The following PRKCA variants were observed in gnomAD, a reference collection of about 807,000 sequenced individuals.
The protein encoded by PRKCA is protein kinase C alpha.
PRKCA carries 27 observed loss-of-function variants against 87.0 expected under a neutral mutation model. The observed-to-expected ratio is 0.31, with a 90% CI of 0.23 to 0.43. The LOEUF is 0.43. Ranked by LOEUF, PRKCA falls within the 20% of genes least tolerant of loss-of-function variation. The pLI is 1.00. For missense variants in PRKCA, 518 were observed against 852.3 expected, an observed-to-expected ratio of 0.61 and a Z score of 4.88; for synonymous variants, 329 against 311.1, an observed-to-expected ratio of 1.06 and a Z score of -0.61.
At chr17:66,364,916 A>G (rs1342282605) in intron 2 of PRKCA, among the ~76,000 whole-genome samples, 1 of 152,034 alleles carries the variant, frequency 6.6e-6, no homozygotes, top group African/African-American at 2.4e-5. Context: ...CTATTTTCCC[A>G]CTTGCATACT....
At chr17:66,679,931 A>T (rs1344001554) in intron 5 of PRKCA, among the ~76,000 whole-genome samples, 1 of 152,208 alleles carries the variant, frequency 6.6e-6, no homozygotes, top group East Asian at 1.9e-4. Flanking sequence ...TGATAATAGC[A>T]TCTTTTTACA....
chr17:66,593,978 G>A (rs1054553164), intron 3 of PRKCA, among the ~76,000 whole-genome samples: 7 of 152,186 alleles, frequency 4.6e-5, no homozygotes, highest in Non-Finnish European at 1.0e-4. Flanking sequence ...CCAGCTGCTC[G>A]GGAGGCTGAG....
At chr17:66,710,842 C>G (rs1973307037) in intron 8 of PRKCA, among the ~76,000 whole-genome samples, 2 of 151,276 alleles carry the variant, frequency 1.3e-5, no homozygotes, top group South Asian at 4.2e-4. Flanking sequence ...CCAGCCTGCC[C>G]AACATGGTGA....
intron 8 of PRKCA, among the ~76,000 whole-genome samples, chr17:66,729,431 G>A (rs935541711): frequency 3.3e-5 from 5 of 152,122 alleles, no homozygotes; most frequent in Admixed American, 3.3e-4. Context: ...AAAATTAAAT[G>A]TAGACACAGC....
At chr17:66,415,829 G>A (rs1488352434) in intron 2 of PRKCA, 1 of 152,148 alleles carries the variant, frequency 6.6e-6, no homozygotes, top group African/African-American at 2.4e-5. Context: ...AACTTGTTGG[G>A]TGGACTGAAT....
chr17:66,482,578 T>C (rs1248770098), intron 2 of PRKCA, among the ~76,000 whole-genome samples: 1 of 152,208 alleles, frequency 6.6e-6, no homozygotes, highest in Non-Finnish European at 1.5e-5. Flanking sequence ...TGTGTGGCTG[T>C]ATATTATTTG....
intron 2 of PRKCA, among the ~76,000 whole-genome samples, chr17:66,440,007 T>C (rs751170808): frequency 3.9e-5 from 6 of 152,344 alleles, no homozygotes; most frequent in Non-Finnish European, 8.8e-5. Context: ...TGCTTTGTAT[T>C]GTATTAATAT....
chr17:66,635,312 G>T (rs1241550769), intron 3 of PRKCA, among the ~76,000 whole-genome samples: 1 of 152,158 alleles, frequency 6.6e-6, no homozygotes, highest in Non-Finnish European at 1.5e-5. Flanking sequence ...GGGCCAGTGG[G>T]GGCAGCTTGT....
chr17:66,486,572 C>T (rs1288114069), intron 2 of PRKCA, among the ~76,000 whole-genome samples: 1 of 152,124 alleles, frequency 6.6e-6, no homozygotes, highest in Non-Finnish European at 1.5e-5. Context: ...ACTCTTCCCA[C>T]CCCTCAGACA....
intron 9 of PRKCA, among the ~76,000 whole-genome samples, chr17:66,733,830 C>A (rs2073777508): frequency 6.6e-6 from 1 of 152,132 alleles, no homozygotes. Context: ...GAAGTTGGCT[C>A]TTTAGATCAA....
intron 2 of PRKCA, among the ~76,000 whole-genome samples, chr17:66,318,637 T>C (rs1256260722): frequency 6.6e-6 from 1 of 152,162 alleles, no homozygotes; most frequent in East Asian, 1.9e-4. Context: ...GGCAGATTGC[T>C]TGAGGTCGGT....
intron 3 of PRKCA, among the ~76,000 whole-genome samples, chr17:66,631,638 TAA>T (rs1243464542): frequency 6.6e-6 from 1 of 152,172 alleles, no homozygotes; most frequent in Admixed American, 6.5e-5. Flanking sequence ...TTTTGAAATT[TAA>T]AAGTTGTGCA....
chr17:66,699,574 T>A (rs1973012462), intron 8 of PRKCA, among the ~76,000 whole-genome samples: 1 of 152,222 alleles, frequency 6.6e-6, no homozygotes, highest in Non-Finnish European at 1.5e-5. Flanking sequence ...GCCTACTGGC[T>A]TCACTGGTGA....
intron 13 of PRKCA, among the ~76,000 whole-genome samples, chr17:66,759,208 T>G (rs1433724384): frequency 1.3e-5 from 2 of 151,500 alleles, no homozygotes; most frequent in African/African-American, 4.9e-5. Context: ...CAAAAAAAAT[T>G]AGCCGGGCGT....
intron 3 of PRKCA, among the ~76,000 whole-genome samples, chr17:66,522,549 G>A (rs1472653118): frequency 1.3e-5 from 2 of 152,124 alleles, no homozygotes; most frequent in African/African-American, 4.8e-5. Flanking sequence ...TCCAGCGCCA[G>A]GTGCCGTGTG....
intron 13 of PRKCA, among the ~76,000 whole-genome samples, chr17:66,750,352 G>A (rs191036577): frequency 7.2e-5 from 11 of 152,290 alleles, no homozygotes; most frequent in East Asian, 1.9e-4. Context: ...TGACTCCAGC[G>A]TTGCAAGAGA....
chr17:66,621,972 C>T (rs191844795), intron 3 of PRKCA, among the ~76,000 whole-genome samples: 18 of 152,174 alleles, frequency 1.2e-4, no homozygotes, highest in Admixed American at 5.9e-4. Flanking sequence ...GCGTCCACGG[C>T]GGGAGGATTG....
At chr17:66,369,290 T>C (rs1908954196) in intron 2 of PRKCA, among the ~76,000 whole-genome samples, 2 of 152,318 alleles carry the variant, frequency 1.3e-5, no homozygotes, top group Admixed American at 1.3e-4. Flanking sequence ...AGGTCCAAGA[T>C]ATCCCAGTAC....
Position 66,641,340 on chromosome 17 carries a change from T to A in PRKCA, c.289-15T>A. On this transcript the variant is annotated splice_polypyrimidine_tract_variant and intron_variant, in intron 3 of 16. Transcript: ENST00000413366. ...TTCATGACTAAAATGAGCATTGTGC[T>A]TCTTCTCCTCCCAGGACCCCAGGAG... 1 of 1,598,170 alleles carries A rather than the reference T, an allele frequency of 6.3e-7. No individual in the cohort carries two copies. Among genetic ancestry groups the A allele is most frequent in the East Asian group, 2.2e-5 (1 of 44,732 alleles).
Sources: gnomAD v4.1 joint callset for allele counts (sites outside exome capture counted in the v4.1 genomes callset) on GRCh38, gnomAD v4.1.1 for gene constraint, MANE v1.5 for transcripts, NCBI Gene and HGNC (gene_info 2026-07-23, HGNC 2026-07-21) for gene names.